MED12L: variants seen among roughly 807,000 people sequenced by gnomAD.
The protein encoded by MED12L is mediator of RNA polymerase II transcription subunit 12-like protein.
A neutral mutation model predicts 281.3 loss-of-function variants in MED12L; 60 were observed. The observed-to-expected ratio is 0.21, with a 90% CI of 0.17 to 0.26. The LOEUF is 0.26. MED12L is among the 10% of genes least tolerant of loss of function. The pLI is 1.00. For synonymous variants in MED12L, 974 were observed against 987.2 expected (o/e 0.99, Z 0.25); for missense variants, 2,146 against 2,680.9 (o/e 0.80, Z 4.41).
chr3:151,370,285 T>C (rs934051577), intron 26 of MED12L, among the ~76,000 whole-genome samples: 2 of 152,178 alleles, frequency 1.3e-5, no homozygotes, highest in Admixed American at 1.3e-4. Flanking sequence ...CAACTTTGGG[T>C]ACCTTCTTTT....
intron 32 of MED12L, 106 bp downstream of exon 32, chr3:151,380,330 C>A: frequency 1.4e-6 from 1 of 734,000 alleles, no homozygotes; most frequent in Non-Finnish European, 2.2e-6. Context: ...GGTGTGGTGG[C>A]TCATGCCTGT....
intron 28 of MED12L, among the ~76,000 whole-genome samples, 184 bp downstream of exon 28, chr3:151,376,398 T>C (rs1379843608): frequency 6.6e-6 from 1 of 152,206 alleles, no homozygotes; most frequent in East Asian, 1.9e-4. Context: ...GCAAATTGTA[T>C]ATGATCATCA....
rs546512560 is a variant in MED12L, at chr3:151,405,816, T to G, written c.5821-3427T>G. Among the ~76,000 whole-genome samples the G allele has an allele frequency of 2.6e-4, 39 of 152,298 alleles. No individual in the cohort carries two copies. The East Asian group carries it at 6.2e-3, about 24-fold the overall frequency. ...CAGGAAGAAGAAATCATTAGAATGA[T>G]AGATGCTAAACATTAAATTAAATTT... On this transcript the variant is annotated intron_variant, in intron 39 of 44. Coordinates refer to ENST00000687756, the MANE Select transcript of MED12L (RefSeq NM_001393769.1).
chr3:151,248,920 G>A (rs1203715661), intron 16 of MED12L: 4 of 152,220 alleles, frequency 2.6e-5, no homozygotes, highest in African/African-American at 9.7e-5. Flanking sequence ...GCAACTGAGT[G>A]TAGCATTTGA....
intron 2 of MED12L, among the ~76,000 whole-genome samples, chr3:151,096,117 A>G (rs910546256): frequency 1.3e-5 from 2 of 152,336 alleles, no homozygotes; most frequent in Admixed American, 1.3e-4. Context: ...CAACCATCTT[A>G]TGGCCTTGTG....
At chr3:151,129,120 G>GGA (rs2148809084) in intron 5 of MED12L, among the ~76,000 whole-genome samples, 1 of 152,296 alleles carries the variant, frequency 6.6e-6, no homozygotes, top group Non-Finnish European at 1.5e-5. Context: ...GTTTTGTAAG[G>GGA]GAGAGTCCAA....
chr3:151,405,888 A>C (rs566800335), intron 39 of MED12L, among the ~76,000 whole-genome samples: 192 of 152,366 alleles, frequency 1.3e-3, no homozygotes, highest in Non-Finnish European at 2.2e-3. Flanking sequence ...ATTAGAAAGC[A>C]CTTGGTAAAG....
intron 21 of MED12L, 60 bp from the exon 22 acceptor site, chr3:151,364,918 AT>A: frequency 1.7e-6 from 2 of 1,191,146 alleles, no homozygotes; most frequent in Non-Finnish European, 2.5e-6. Flanking sequence ...CTTAAGTGAA[AT>A]AGTTTTCTAG....
At chr3:151,167,238 C>G (rs1720840369) in intron 11 of MED12L, among the ~76,000 whole-genome samples, 1 of 152,152 alleles carries the variant, frequency 6.6e-6, no homozygotes, top group African/African-American at 2.4e-5. Context: ...TGCCCCAAAA[C>G]TAGGATATTC....
intron 42 of MED12L, among the ~76,000 whole-genome samples, chr3:151,415,211 C>A (rs1717404912): frequency 1.3e-5 from 2 of 152,108 alleles, no homozygotes; most frequent in African/African-American, 4.8e-5. Flanking sequence ...CATAATATGT[C>A]CTTCTGGTAA....
chr3:151,362,112 C>T (rs1754682143), intron 21 of MED12L, among the ~76,000 whole-genome samples: 1 of 151,966 alleles, frequency 6.6e-6, no homozygotes, highest in Non-Finnish European at 1.5e-5. Flanking sequence ...TCTCTAGAAC[C>T]TGCCCATTCT....
intron 6 of MED12L, among the ~76,000 whole-genome samples, chr3:151,158,225 G>C (rs1560103997): frequency 6.6e-6 from 1 of 152,180 alleles, no homozygotes; most frequent in Non-Finnish European, 1.5e-5. Flanking sequence ...ATAGATAGGT[G>C]ATAGTATCTG....
intron 5 of MED12L, among the ~76,000 whole-genome samples, chr3:151,142,432 A>G (rs1235500741): frequency 6.6e-6 from 1 of 152,246 alleles, no homozygotes; most frequent in Admixed American, 6.5e-5. Flanking sequence ...AGCTTCTTGT[A>G]TGAGCTAAAA....
chr3:151,332,840 C>G (rs1750505572), intron 16 of MED12L, among the ~76,000 whole-genome samples: 1 of 152,010 alleles, frequency 6.6e-6, no homozygotes, highest in African/African-American at 2.4e-5. Context: ...TATTTTGTCA[C>G]CCAGGTGATA....
At chr3:151,284,682 C>T (rs1316255465) in intron 16 of MED12L, among the ~76,000 whole-genome samples, 3 of 152,202 alleles carry the variant, frequency 2.0e-5, no homozygotes, top group Admixed American at 1.3e-4. Flanking sequence ...GATCTCAGCT[C>T]ACCACAACCT....
chr3:151,330,165 T>G (rs1294315370), intron 16 of MED12L, among the ~76,000 whole-genome samples: 1 of 152,204 alleles, frequency 6.6e-6, no homozygotes, highest in Non-Finnish European at 1.5e-5. Context: ...AAATAGTATC[T>G]AACACACTGT....
At chr3:151,196,966 T>C (rs1724750215) in intron 16 of MED12L, among the ~76,000 whole-genome samples, 1 of 152,210 alleles carries the variant, frequency 6.6e-6, no homozygotes, top group Non-Finnish European at 1.5e-5. Flanking sequence ...GCGGTTTTTA[T>C]ATGGGCTTAT....
chr3:151,292,869 CA>C (rs1412520660), intron 16 of MED12L, among the ~76,000 whole-genome samples: 2 of 152,188 alleles, frequency 1.3e-5, no homozygotes, highest in African/African-American at 2.4e-5. Flanking sequence ...ATTGGCCTTT[CA>C]AATTGCCTTT....
In MED12L at chr3:151,434,916, G is replaced by A. The variant is rs1197142928; in HGVS notation, c.*2112G>A. On this transcript the variant is annotated 3_prime_UTR_variant, in exon 45 of 45. Transcript: ENST00000687756. Reference sequence around the variant, plus strand: ...TATCTTTTTTCTTTTTTTAGGTGAGGAAGTTATGCTACGACTCTAATTAAT... The same window carrying A: ...TATCTTTTTTCTTTTTTTAGGTGAGAAAGTTATGCTACGACTCTAATTAAT... The A allele has an allele frequency of 6.6e-6, 1 of 152,120 alleles. No individual in the cohort carries two copies. The highest frequency in any genetic ancestry group is 1.9e-4 in the East Asian group (1 of 5,200). 9.4% of individuals were successfully genotyped at this position (152,120 alleles called of 1,614,324 possible).
Sources: allele counts gnomAD v4.1 joint callset (sites outside exome capture counted in the v4.1 genomes callset), GRCh38; gene constraint gnomAD v4.1.1; transcripts MANE v1.5; gene names NCBI Gene and HGNC (gene_info 2026-07-23, HGNC 2026-07-21).